Variants in CD163L1 observed in about 807,000 individuals in gnomAD.
CD163L1 encodes the protein scavenger receptor cysteine-rich type 1 protein M160.
In CD163L1, 124 loss-of-function variants were observed where a neutral mutation model predicts 165.4. That is an observed-to-expected ratio of 0.75 (90% CI 0.65 to 0.87). CD163L1 has a LOEUF of 0.87. CD163L1 is among the 40% of genes least tolerant of loss of function. The pLI, the probability that CD163L1 is intolerant of heterozygous loss-of-function variation, is 0.00. For missense variants in CD163L1, 1,525 were observed against 1,799.9 expected (o/e 0.85, Z 2.76); for synonymous variants, 585 against 662.2 (o/e 0.88, Z 1.79).
At chr12:7,363,396 C>G (rs1358962313) in intron 18 of CD163L1, among the ~76,000 whole-genome samples, 1 of 151,464 alleles carries the variant, frequency 6.6e-6, no homozygotes, top group Non-Finnish European at 1.5e-5. Context: ...ACAAACCAAA[C>G]CCCAAATTAG....
chr12:7,402,978 G>C (rs1277200252), intron 6 of CD163L1, among the ~76,000 whole-genome samples: 1 of 151,618 alleles, frequency 6.6e-6, no homozygotes, highest in East Asian at 1.9e-4. Flanking sequence ...AAAAGTTCTT[G>C]GAAATGTTTT....
the CD163L1 span, among the ~76,000 whole-genome samples, chr12:7,331,206 A>G: frequency 1.3e-5 from 2 of 152,234 alleles, no homozygotes; most frequent in African/African-American, 4.8e-5. Flanking sequence ...GCAGTCTGAG[A>G]TCAAACTGCA....
intron 6 of CD163L1, among the ~76,000 whole-genome samples, chr12:7,399,546 TCTTG>T (rs1463847591): frequency 9.9e-5 from 3 of 30,164 alleles, no homozygotes; most frequent in African/African-American, 1.8e-4. Context: ...TTTCTTTCTT[TCTTG>T]CTTTCTTTCT....
intron 11 of CD163L1, 58 bp downstream of exon 11, chr12:7,375,223 C>T (rs1947238940): frequency 7.7e-6 from 12 of 1,555,898 alleles, no homozygotes; most frequent in Middle Eastern, 1.8e-4. Context: ...AATCCCAACT[C>T]CCTCTACCAT....
intron 8 of CD163L1, among the ~76,000 whole-genome samples, chr12:7,387,055 T>C (rs1230524214): frequency 6.6e-6 from 1 of 152,136 alleles, no homozygotes; most frequent in Non-Finnish European, 1.5e-5. Flanking sequence ...GCAGATGACA[T>C]AATTGAATAT....
rs369382450 is a variant in CD163L1 at position 7,437,215 on chromosome 12, T to A, written c.125-3521A>T. 1.6e-3 allele frequency among the ~76,000 whole-genome samples: 48 copies of A among 29,738 alleles called. No individual in the cohort carries two copies. The African/African-American group carries it at 0.017, about 11-fold the overall frequency. The allele number at this position is 29,738 out of a possible 152,430, so 19.5% of individuals were successfully genotyped here. A position where few individuals can be genotyped will look rare whatever the true frequency, so the allele number is the denominator to read the frequency against. On this transcript the variant is annotated intron_variant, in intron 2 of 19. Coordinates refer to ENST00000313599, the MANE Select transcript of CD163L1 (RefSeq NM_174941.6). ...TTTTAATAGTATTACTTTTTTATTT[T>A]AATAGTATTTAAAAGTATTTACTTT...
rs202125840 is a variant in CD163L1 at position 7,421,039 on chromosome 12, GTA to G, written c.766+11375_766+11376del. Among the ~76,000 whole-genome samples the G allele has an allele frequency of 2.3e-3, 206 of 88,126 alleles. 2 individuals carry two copies. The highest frequency in any genetic ancestry group is 0.013 in the East Asian group (27 of 2,156). The allele number at this position is 88,126 out of a possible 152,430, so 57.8% of individuals were successfully genotyped here. A position where few individuals can be genotyped will look rare whatever the true frequency, so the allele number is the denominator to read the frequency against. On this transcript the variant is annotated intron_variant, in intron 4 of 19. Transcript: ENST00000313599. Reference sequence around the variant, plus strand: ...TATATATATACATATATATATACGTGTATATATATGTATATACGTATATATGT... The same window carrying G: ...TATATATATACATATATATATACGTGTATATATGTATATACGTATATATGT...
intron 19 of CD163L1, among the ~76,000 whole-genome samples, 195 bp from the exon 20 acceptor site, chr12:7,355,325 A>G (rs1416868747): frequency 1.3e-5 from 2 of 152,184 alleles, no homozygotes; most frequent in African/African-American, 4.8e-5. Context: ...TGCAGATATT[A>G]TGCAATTTTC....
chr12:7,325,231 C>T, the CD163L1 span, among the ~76,000 whole-genome samples: 1 of 152,164 alleles, frequency 6.6e-6, no homozygotes, highest in Admixed American at 6.5e-5. Context: ...GGGTAATACT[C>T]CATAGGAAAA....
At position 7,398,635 on chromosome 12, in the gene CD163L1, C is replaced by A; in HGVS notation, c.1409-51G>T. 1 of 1,458,630 alleles carries A rather than the reference C, an allele frequency of 6.9e-7. No homozygotes were observed. Among genetic ancestry groups the A allele is most frequent in the South Asian group, 1.4e-5 (1 of 70,518 alleles). The allele number at this position is 1,458,630 out of a possible 1,614,324, so 90.4% of individuals were successfully genotyped here. ...TTGAGATCAAATGAGAGAGTCTTTTCAGAAGACTGAAAAGACTCTCTAAAT... is the reference window on the plus strand; with the variant it reads ...TTGAGATCAAATGAGAGAGTCTTTTAAGAAGACTGAAAAGACTCTCTAAAT... On this transcript the variant is annotated intron_variant, in intron 6 of 19. Transcript: ENST00000313599. This position sits in a 1 kb window ranked among gnomAD's most constrained non-coding sequence, Gnocchi z 4.5.
chr12:7,363,733 T>C (rs138091856), intron 18 of CD163L1, among the ~76,000 whole-genome samples: 1 of 143,826 alleles, frequency 7.0e-6, no homozygotes, highest in African/African-American at 2.6e-5. Flanking sequence ...CATGAAAAAA[T>C]AGAAAAGTTC....
chr12:7,425,398 C>CT (rs1948523759), intron 4 of CD163L1, among the ~76,000 whole-genome samples: 1 of 152,164 alleles, frequency 6.6e-6, no homozygotes, highest in Non-Finnish European at 1.5e-5. Flanking sequence ...AAAACCTAGG[C>CT]AATACCATTC....
At position 7,441,142 on chromosome 12, in the gene CD163L1, A is replaced by C; in HGVS notation, c.124+12T>G. On this transcript the variant is annotated intron_variant, in intron 2 of 19. Coordinates refer to ENST00000313599, the MANE Select transcript of CD163L1 (RefSeq NM_174941.6). ...ATTGTAAGCCCAAAAGTTATCATCC[A>C]TCAGAACTCACTAAAACTGCTGATG... 6.3e-7 allele frequency: 1 copy of C among 1,598,984 alleles called. No individual in the cohort carries two copies. The highest frequency in any genetic ancestry group is 8.6e-7 in the Non-Finnish European group (1 of 1,166,284).
chr12:7,393,744 GT>G (rs1276540465), intron 8 of CD163L1, among the ~76,000 whole-genome samples: 1 of 152,108 alleles, frequency 6.6e-6, no homozygotes, highest in African/African-American at 2.4e-5. Flanking sequence ...CAAAATCAAT[GT>G]TCAAAAACCA....
At position 7,380,335 on chromosome 12, in the gene CD163L1, ACGTATACATACATGTATGTGTGTATACG is replaced by A. The variant is rs1388706889; in HGVS notation, c.2051-1065_2051-1038del. On this transcript the variant is annotated intron_variant, in intron 8 of 19. Coordinates refer to ENST00000313599, the MANE Select transcript of CD163L1 (RefSeq NM_174941.6). ...TATACATACATATATGTATGTATAC[ACGTATACATACATGTATGTGTGTATACG>A]CGTATACATACATGTATGTGTGTAT... 4.4e-3 allele frequency among the ~76,000 whole-genome samples: 493 copies of A among 112,446 alleles called. 24 individuals carry two copies. In the East Asian group the frequency reaches 0.076, roughly 17 times the overall value. 73.8% of individuals were successfully genotyped at this position (112,446 alleles called of 152,430 possible).
Position 7,421,366 on chromosome 12 carries a change from T to C in CD163L1, c.766+11050A>G, listed in dbSNP as rs868844652. On this transcript the variant is annotated intron_variant, in intron 4 of 19. Transcript: ENST00000313599. ...CCAAATGTATATATATGTGTATATA[T>C]GTATATATACATTTGGAAGATATAT... Among the ~76,000 whole-genome samples the C allele has an allele frequency of 2.7e-5, 3 of 109,886 alleles. No individual in the cohort carries two copies. In the Admixed American group the frequency reaches 2.9e-4, roughly 11 times the overall value. The allele number at this position is 109,886 out of a possible 152,430, so 72.1% of individuals were successfully genotyped here.
intron 4 of CD163L1, among the ~76,000 whole-genome samples, chr12:7,414,591 T>C (rs1456183583): frequency 1.3e-5 from 2 of 152,058 alleles, no homozygotes; most frequent in East Asian, 1.9e-4. Context: ...AAAATGAGCA[T>C]CCCAAACCAA....
chr12:7,375,875 G>A lies in CD163L1; in HGVS notation c.2511C>T (p.Asn837=), dbSNP rs7306824. ...CAGAAAGAGATATGGCATCTCCACA[G>A]TTTAATTCTCTGCACAGCACATTGG... ...HAANVLCREL[N]CGDAISLSVG... The change falls in exon 10 of 20, where the codon AAC becomes AAT. Residue 837 remains asparagine (N), a synonymous_variant. Coordinates refer to ENST00000313599, the MANE Select transcript of CD163L1 (RefSeq NM_174941.6). 0.3 allele frequency: 484,862 copies of A among 1,613,842 alleles called. 81,768 individuals carry two copies. The highest frequency in any genetic ancestry group is 0.59 in the African/African-American group (44,070 of 74,946).
Position 7,372,874 on chromosome 12 carries a change from C to T in CD163L1, c.3730+446G>A, listed in dbSNP as rs1947173318. On this transcript the variant is annotated intron_variant, in intron 14 of 19. Coordinates refer to ENST00000313599, the MANE Select transcript of CD163L1 (RefSeq NM_174941.6). The surrounding 1 kb of genome is among the most constrained non-coding windows in gnomAD (Gnocchi z 4.2). The stretch of plus-strand genomic sequence containing the variant: ...AATTTTAATCAAATAAGACAATTTA[C>T]AAGTGTCTTATAAATAATCAACTAA... 1.3e-5 allele frequency among the ~76,000 whole-genome samples: 2 copies of T among 151,992 alleles called. No homozygotes were observed. The highest frequency in any genetic ancestry group is 1.3e-4 in the Admixed American group (2 of 15,258).
Sources: allele counts gnomAD v4.1 joint callset (sites outside exome capture counted in the v4.1 genomes callset), GRCh38; gene constraint gnomAD v4.1.1; non-coding constraint Gnocchi (gnomAD v3.1); transcripts MANE v1.5; gene names NCBI Gene and HGNC (gene_info 2026-07-23, HGNC 2026-07-21).